Variants in SVIL observed in about 807,000 individuals in gnomAD.
SVIL encodes supervillin, also known as archvillin.
A neutral mutation model predicts 240.4 loss-of-function variants in SVIL; 101 were observed. The ratio of observed to expected loss-of-function variants is 0.42; its 90% confidence interval spans 0.36 to 0.50. The LOEUF is 0.50. Among genes scored for constraint, SVIL ranks in the 20% least tolerant of loss-of-function variants. The probability of loss-of-function intolerance (pLI) is 0.01; values close to 1 mark genes in which losing one functional copy is unlikely to be tolerated. For missense variants in SVIL, 2,512 were observed against 2,818.7 expected, an observed-to-expected ratio of 0.89 and a Z score of 2.46; for synonymous variants, 999 against 1,100.0, an observed-to-expected ratio of 0.91 and a Z score of 1.82.
chr10:29,564,819 C>G (rs565700601), intron 2 of SVIL, among the ~76,000 whole-genome samples: 285 of 152,310 alleles, frequency 1.9e-3, no homozygotes, highest in African/African-American at 6.7e-3. Context: ...AAGCCACACT[C>G]CAGATTGGCT....
chr10:29,533,872 G>A (rs1366765905), intron 7 of SVIL, among the ~76,000 whole-genome samples: 1 of 152,172 alleles, frequency 6.6e-6, no homozygotes, highest in Non-Finnish European at 1.5e-5. Context: ...TGTGGGGGAA[G>A]GTTCCTGGCA....
rs1248440738 is a variant in SVIL at position 29,532,521 on chromosome 10, T to C, written c.1838+8A>G. 2 of 1,598,876 alleles carry C rather than the reference T, an allele frequency of 1.3e-6. No homozygotes were observed. The highest frequency in any genetic ancestry group is 4.5e-5 in the East Asian group (2 of 44,554). On this transcript the variant is annotated splice_region_variant and intron_variant, in intron 8 of 37. Transcript: ENST00000355867. The stretch of plus-strand genomic sequence containing the variant: ...ACACAGCTGGAGGGCGTGTGAAGCA[T>C]CACCTACAGTTCAGGTCTCCTGCAG...
intron 21 of SVIL, among the ~76,000 whole-genome samples, chr10:29,492,491 C>T (rs1948060285): frequency 6.6e-6 from 1 of 152,112 alleles, no homozygotes; most frequent in African/African-American, 2.4e-5. Flanking sequence ...GCGCGTGAGC[C>T]AGTAAACCCC....
At chr10:29,556,185 A>T (rs1564634209) in intron 3 of SVIL, among the ~76,000 whole-genome samples, 1 of 152,136 alleles carries the variant, frequency 6.6e-6, no homozygotes, top group Non-Finnish European at 1.5e-5. Context: ...ATGGAGAATA[A>T]AGGTCTCTCT....
In SVIL at chr10:29,532,519, C is replaced by T. The variant is rs893306244; in HGVS notation, c.1838+10G>A. 6.3e-7 allele frequency: 1 copy of T among 1,596,518 alleles called. No individual in the cohort carries two copies. Among genetic ancestry groups the T allele is most frequent in the Non-Finnish European group, 8.6e-7 (1 of 1,167,990 alleles). On this transcript the variant is annotated intron_variant, in intron 8 of 37. Coordinates refer to ENST00000355867, the MANE Select transcript of SVIL (RefSeq NM_021738.3). ...TGACACAGCTGGAGGGCGTGTGAAG[C>T]ATCACCTACAGTTCAGGTCTCCTGC...
intron 34 of SVIL, among the ~76,000 whole-genome samples, chr10:29,465,114 C>T (rs1427091938): frequency 6.6e-6 from 1 of 152,202 alleles, no homozygotes; most frequent in East Asian, 1.9e-4. Flanking sequence ...GGGATGTAAG[C>T]AGAAGTCTGC....
Position 29,526,988 on chromosome 10 carries a change from A to C in SVIL, c.2315T>G (p.Val772Gly). ...PVMARLPSPT[V>G]ARSAVQPARL... ...GGCAGGCTGCACAGCGCTCCTAGCT[A>C]CAGTGGGGCTAGGAAGTCTCGCCAT... Residue 772 changes from valine (V) to glycine (G), a missense_variant, in exon 13 of 38, where the codon GTA becomes GGA. This residue lies in a region of SVIL where 1,443 missense variants were observed against 1,486.6 expected (regional missense o/e 0.97). Coordinates refer to ENST00000355867, the MANE Select transcript of SVIL (RefSeq NM_021738.3). 1.2e-6 allele frequency: 2 copies of C among 1,610,618 alleles called. No individual in the cohort carries two copies. Among genetic ancestry groups the C allele is most frequent in the Non-Finnish European group, 1.7e-6 (2 of 1,178,740 alleles).
At chr10:29,584,584 ACT>A (rs1956084668) in intron 1 of SVIL, among the ~76,000 whole-genome samples, 1 of 151,608 alleles carries the variant, frequency 6.6e-6, no homozygotes, top group Admixed American at 6.6e-5. Flanking sequence ...CTGCCACTGG[ACT>A]CTCTCCCCTG....
chr10:29,480,831 G>A lies in SVIL; in HGVS notation c.5101-18C>T. 3.1e-6 allele frequency: 5 copies of A among 1,593,350 alleles called. No homozygotes were observed. In the South Asian group the frequency reaches 3.3e-5, roughly 11 times the overall value. ...GGGTCTTCCTACAGGGGAACACAAAGACATCAGTTCAGTTGCCTGTTTCTG... is the reference window on the plus strand; with the variant it reads ...GGGTCTTCCTACAGGGGAACACAAAAACATCAGTTCAGTTGCCTGTTTCTG... On this transcript the variant is annotated intron_variant, in intron 28 of 37. Coordinates refer to ENST00000355867, the MANE Select transcript of SVIL (RefSeq NM_021738.3).
At chr10:29,464,381 G>A (rs1944637762) in intron 34 of SVIL, among the ~76,000 whole-genome samples, 1 of 152,210 alleles carries the variant, frequency 6.6e-6, no homozygotes, top group East Asian at 1.9e-4. Flanking sequence ...AGAGGCTGCA[G>A]TGAGCCATGA....
At chr10:29,477,079 A>G (rs7910070) in intron 29 of SVIL, among the ~76,000 whole-genome samples, 56,604 of 151,796 alleles carry the variant, frequency 0.37, 10,887 homozygotes, top group East Asian at 0.54. Flanking sequence ...TGGCCAGGAT[A>G]GTCTCGAACT....
chr10:29,478,943 A>AC (rs1277395895), intron 29 of SVIL, among the ~76,000 whole-genome samples: 1 of 150,690 alleles, frequency 6.6e-6, no homozygotes, highest in Non-Finnish European at 1.5e-5. Context: ...AAAAAAAAAA[A>AC]AAAAAAAGAA....
chr10:29,591,638 C>T (rs1252487749), intron 1 of SVIL, among the ~76,000 whole-genome samples: 2 of 152,226 alleles, frequency 1.3e-5, no homozygotes, highest in South Asian at 2.1e-4. Flanking sequence ...CTCCCCTGCA[C>T]CCTGCACCTT....
rs1947668980 is a variant in SVIL at position 29,488,733 on chromosome 10, C to T, written c.4216G>A (p.Glu1406Lys). ...EKMSSNSNFS[E>K]VTLAGLASKE... is the part of the protein sequence containing the mutation. ...CTGGCTAAACCCGCCAGGGTGACTTCTGAGAAGTTGGAGTTGGAAGACACT... is the reference window on the plus strand; with the variant it reads ...CTGGCTAAACCCGCCAGGGTGACTTTTGAGAAGTTGGAGTTGGAAGACACT... The change falls in exon 23 of 38, where the codon GAA becomes AAA. Residue 1406 changes from glutamate to lysine, a missense_variant. This residue lies in a region of SVIL where 272 missense variants were observed against 406.8 expected (regional missense o/e 0.67). Transcript: ENST00000355867. 4 of 1,612,566 alleles carry T rather than the reference C, an allele frequency of 2.5e-6. No homozygotes were observed. Among genetic ancestry groups the T allele is most frequent in the Middle Eastern group, 3.3e-4 (2 of 6,082 alleles).
At chr10:29,500,812 G>A (rs1477820137) in intron 17 of SVIL, among the ~76,000 whole-genome samples, 1 of 152,106 alleles carries the variant, frequency 6.6e-6, no homozygotes, top group African/African-American at 2.4e-5. Flanking sequence ...CTTCCCCGAT[G>A]CCTTTCCTCC....
intron 1 of SVIL, among the ~76,000 whole-genome samples, chr10:29,611,232 T>C (rs1957232803): frequency 6.6e-6 from 1 of 152,100 alleles, no homozygotes; most frequent in Non-Finnish European, 1.5e-5. Flanking sequence ...TTAACTCTTG[T>C]TTAGTGAGAA....
intron 33 of SVIL, among the ~76,000 whole-genome samples, chr10:29,467,036 T>C (rs1945010573): frequency 6.6e-6 from 1 of 152,130 alleles, no homozygotes; most frequent in Non-Finnish European, 1.5e-5. Context: ...GGCAGAGTGT[T>C]GGGTTGTACT....
At chr10:29,589,229 C>T (rs1243011859) in intron 1 of SVIL, among the ~76,000 whole-genome samples, 2 of 152,164 alleles carry the variant, frequency 1.3e-5, no homozygotes, top group East Asian at 1.9e-4. Context: ...TTAAGTAACA[C>T]CAACCCCATG....
chr10:29,636,982 T>C (rs1958332189), upstream of SVIL, among the ~76,000 whole-genome samples: 1 of 152,026 alleles, frequency 6.6e-6, no homozygotes, highest in Non-Finnish European at 1.5e-5. Flanking sequence ...TTTAATTTCT[T>C]AGTTTTTGTA....
Sources: allele counts gnomAD v4.1 joint callset (sites outside exome capture counted in the v4.1 genomes callset), GRCh38; gene constraint gnomAD v4.1.1; regional missense constraint gnomAD v4.1.1; transcripts MANE v1.5; gene names NCBI Gene and HGNC (gene_info 2026-07-23, HGNC 2026-07-21).